SLC34A2: variants seen among roughly 807,000 people sequenced by gnomAD.
The protein encoded by SLC34A2 is solute carrier family 34 member 2, also known as sodium-dependent phosphate transport protein 2B.
SLC34A2 carries 41 observed loss-of-function variants against 50.8 expected under a neutral mutation model. The ratio of observed to expected loss-of-function variants is 0.81; its 90% CI spans 0.63 to 1.05. The LOEUF (loss-of-function observed/expected upper bound fraction) is 1.05. Ranked by LOEUF, SLC34A2 falls within the 50% of genes least tolerant of loss-of-function variation. The pLI, the probability that SLC34A2 is intolerant of heterozygous loss-of-function variation, is 0.00. For synonymous variants in SLC34A2, 401 were observed against 364.2 expected, an observed-to-expected ratio of 1.10 and a Z score of -1.15; for missense variants, 879 against 876.7, an observed-to-expected ratio of 1.00 and a Z score of -0.03.
Position 25,666,343 on chromosome 4 carries a change from G to A in SLC34A2, c.523+72G>A, listed in dbSNP as rs1172369894. ...TGTCTATCTGAGGGTGGGAAGGACG[G>A]GGGAGGAATTCACTCTGAATATGTC... is the stretch of plus-strand genomic sequence containing the variant. On this transcript the variant is annotated intron_variant, in intron 5 of 12. Transcript: ENST00000382051. The A allele has an allele frequency of 7.6e-5, 119 of 1,560,968 alleles. 1 individual carries two copies. Among genetic ancestry groups the A allele is most frequent in the Non-Finnish European group, 4.4e-6 (5 of 1,142,560 alleles).
rs1714593878 is a variant in SLC34A2, at chr4:25,667,986, C to T, written c.630C>T (p.Phe210=). The T allele has an allele frequency of 1.2e-6, 2 of 1,606,370 alleles. No homozygotes were observed. Among genetic ancestry groups the T allele is most frequent in the African/African-American group, 2.7e-5 (2 of 74,876 alleles). The part of the protein sequence containing the change: ...ALMQVGDRSE[F]RRAFAGATVH... ...TGCAGGTGGGAGATCGGAGTGAGTTCAGAAGGTAAGAGGCTCAAAACCAGC... is the reference window on the plus strand; with the variant it reads ...TGCAGGTGGGAGATCGGAGTGAGTTTAGAAGGTAAGAGGCTCAAAACCAGC... The change falls in exon 6 of 13, where the codon TTC becomes TTT. Residue 210 remains phenylalanine (F), a synonymous_variant. Transcript: ENST00000382051.
At chr4:25,674,253 C>T (rs370745763) in intron 10 of SLC34A2, 43 bp from the exon 11 acceptor site, 1 of 1,529,528 alleles carries the variant, frequency 6.5e-7, no homozygotes, top group Non-Finnish European at 9.1e-7. Flanking sequence ...CAGGCCATAC[C>T]TTCCCCGGAG....
At chr4:25,672,365 T>A (rs1318927670) in intron 9 of SLC34A2, among the ~76,000 whole-genome samples, 1 of 152,210 alleles carries the variant, frequency 6.6e-6, no homozygotes. Flanking sequence ...AATTAGTCCC[T>A]ACTGTACAGC....
chr4:25,662,967 A>T, intron 3 of SLC34A2, 125 bp downstream of exon 3: 2 of 1,110,534 alleles, frequency 1.8e-6, no homozygotes, highest in African/African-American at 1.6e-5. Flanking sequence ...CTGGCTAGGG[A>T]TGTCACCCTC....
In SLC34A2 at chr4:25,670,725, A is replaced by G. The variant is rs765458030; in HGVS notation, c.832-13A>G. ...AGGATATGCTGATGGTTTCCTGTCT[A>G]CTGTTTCCACAGCTGGATAAAAAAG... is the stretch of plus-strand genomic sequence containing the variant. On this transcript the variant is annotated splice_polypyrimidine_tract_variant and intron_variant, in intron 7 of 12. Coordinates refer to ENST00000382051, the MANE Select transcript of SLC34A2 (RefSeq NM_006424.3). The G allele has an allele frequency of 2.3e-5, 37 of 1,606,950 alleles. No individual in the cohort carries two copies. Among genetic ancestry groups the G allele is most frequent in the Non-Finnish European group, 3.2e-5 (37 of 1,173,984 alleles).
chr4:25,676,066 C>A, intron 12 of SLC34A2, 69 bp from the exon 13 acceptor site: 1 of 1,594,098 alleles, frequency 6.3e-7, no homozygotes, highest in African/African-American at 1.3e-5. Context: ...CTTACCTCCC[C>A]CTCCTCCTCC....
At position 25,678,620 on chromosome 4, in the gene SLC34A2, A is replaced by G. The variant is rs967122160; in HGVS notation, c.*1871A>G. The stretch of plus-strand genomic sequence containing the variant: ...GGTCTCAAACTCCTGAGATCAAGCA[A>G]TCCGCCCACCTCAGCCTCCCAAAGT... On this transcript the variant is annotated 3_prime_UTR_variant, in exon 13 of 13. Transcript: ENST00000382051. 3 of 310,820 alleles carry G rather than the reference A, an allele frequency of 9.7e-6. No individual in the cohort carries two copies. Among genetic ancestry groups the G allele is most frequent in the South Asian group, 5.8e-5 (1 of 17,282 alleles). The allele number at this position is 310,820 out of a possible 1,614,324, so 19.3% of individuals were successfully genotyped here.
chr4:25,659,676 A>G (rs906134229), intron 1 of SLC34A2, among the ~76,000 whole-genome samples: 1 of 152,146 alleles, frequency 6.6e-6, no homozygotes, highest in Non-Finnish European at 1.5e-5. Context: ...CATTTTTACA[A>G]TGATGAAGCT....
In SLC34A2 at chr4:25,678,624, G is replaced by C. The variant is rs957052303; in HGVS notation, c.*1875G>C. 6.5e-6 allele frequency: 2 copies of C among 309,264 alleles called. No homozygotes were observed. Among genetic ancestry groups the C allele is most frequent in the African/African-American group, 4.3e-5 (2 of 46,938 alleles). The allele number at this position is 309,264 out of a possible 1,614,324, so 19.2% of individuals were successfully genotyped here. On this transcript the variant is annotated 3_prime_UTR_variant, in exon 13 of 13. Transcript: ENST00000382051. ...TCAAACTCCTGAGATCAAGCAATCC[G>C]CCCACCTCAGCCTCCCAAAGTGCTG...
At chr4:25,660,851 G>C (rs1165949946) in intron 1 of SLC34A2, among the ~76,000 whole-genome samples, 1 of 152,136 alleles carries the variant, frequency 6.6e-6, no homozygotes, top group Non-Finnish European at 1.5e-5. Flanking sequence ...GGCCTGGATT[G>C]CTTCTTTTTT....
chr4:25,662,940 C>A, intron 3 of SLC34A2, 98 bp downstream of exon 3: 2 of 1,425,812 alleles, frequency 1.4e-6, no homozygotes, highest in South Asian at 1.3e-5. Context: ...TGTTCTGATT[C>A]CCTTGAAGCA....
rs117723073 is a variant in SLC34A2, at chr4:25,664,486, G to A, written c.379+156G>A. ...ATCATTTATGAAGTCTATGCTTTCC[G>A]TTATAGAAGAGAAAACTGAGGCCTA... On this transcript the variant is annotated intron_variant, in intron 4 of 12. Transcript: ENST00000382051. 9.4e-3 allele frequency among the ~76,000 whole-genome samples: 1,436 copies of A among 152,282 alleles called. 64 individuals carry two copies. Among genetic ancestry groups the A allele is most frequent in the Admixed American group, 0.074 (1,130 of 15,290 alleles).
At position 25,670,808 on chromosome 4, in the gene SLC34A2, T is replaced by C. The variant is rs766244885; in HGVS notation, c.902T>C (p.Ile301Thr). ...GCGAAAAACAAGAGTCTTGTCAAGA[T>C]TTGGTGCAAAACTTTTACCAACAAG... is the stretch of plus-strand genomic sequence containing the variant. ...EKAKNKSLVK[I>T]WCKTFTNKTQ... is the part of the protein sequence containing the mutation. The change falls in exon 8 of 13, where the codon ATT (isoleucine) becomes ACT (threonine). Residue 301 changes from isoleucine (I) to threonine (T), a missense_variant. Ile to Thr is a moderately conservative substitution (Grantham distance 89, BLOSUM62 -1). Coordinates refer to ENST00000382051, the MANE Select transcript of SLC34A2 (RefSeq NM_006424.3). 1.2e-6 allele frequency: 2 copies of C among 1,614,074 alleles called. No homozygotes were observed. Among genetic ancestry groups the C allele is most frequent in the Non-Finnish European group, 1.7e-6 (2 of 1,179,932 alleles).
chr4:25,678,735 C>A lies in SLC34A2; in HGVS notation c.*1986C>A. 2 of 437,620 alleles carry A rather than the reference C, an allele frequency of 4.6e-6. No homozygotes were observed. The highest frequency in any genetic ancestry group is 8.3e-6 in the Non-Finnish European group (2 of 241,606). 27.1% of individuals were successfully genotyped at this position (437,620 alleles called of 1,614,324 possible). A position where few individuals can be genotyped will look rare whatever the true frequency, so the allele number is the denominator to read the frequency against. On this transcript the variant is annotated 3_prime_UTR_variant, in exon 13 of 13. Transcript: ENST00000382051. ...GGTTATGGGAAGGGAGAAATAAAAT[C>A]ATCAAACCCAAAAGGAGTGTGTTGT...
At chr4:25,673,308 T>C (rs1389279086) in intron 10 of SLC34A2, 54 bp downstream of exon 10, 2 of 1,395,240 alleles carry the variant, frequency 1.4e-6, no homozygotes, top group African/African-American at 1.5e-5. Flanking sequence ...GCATGGGGTG[T>C]GGGGGTCCTT....
chr4:25,670,101 T>C (rs1229506493), intron 7 of SLC34A2, among the ~76,000 whole-genome samples: 6 of 152,302 alleles, frequency 3.9e-5, no homozygotes, highest in African/African-American at 1.2e-4. Flanking sequence ...CGTGCACCTG[T>C]AGTCCCAGCT....
intron 10 of SLC34A2, among the ~76,000 whole-genome samples, chr4:25,673,917 T>G (rs1222281806): frequency 6.6e-6 from 1 of 152,160 alleles, no homozygotes; most frequent in Non-Finnish European, 1.5e-5. Flanking sequence ...TACAGTTTCT[T>G]GATGCTCTTT....
In SLC34A2 at chr4:25,677,146, A is replaced by ACT; in HGVS notation, c.*402_*403dup. On this transcript the variant is annotated 3_prime_UTR_variant, in exon 13 of 13. Transcript: ENST00000382051. ...GAGGCTCTCCCAGATGAGGAAGTGTACTCTCTATGACTATCAAGCTCAGGC... is the reference window on the plus strand; with the variant it reads ...GAGGCTCTCCCAGATGAGGAAGTGTACTCTCTCTATGACTATCAAGCTCAGGC... The ACT allele has an allele frequency of 4.8e-6, 1 of 209,736 alleles. No homozygotes were observed. Among genetic ancestry groups the ACT allele is most frequent in the East Asian group, 1.1e-4 (1 of 9,394 alleles). The allele number at this position is 209,736 out of a possible 1,614,324, so 13.0% of individuals were successfully genotyped here. A position where few individuals can be genotyped will look rare whatever the true frequency, so the allele number is the denominator to read the frequency against.
rs1715191758 is a variant in SLC34A2 at position 25,677,251 on chromosome 4, A to AG, written c.*506dup. Reference sequence around the variant, plus strand: ...TCCTTGCCCCAGATCAGCCTGGGTCAGGGGACATAGTGTCATTGTTTGGAA... The same window carrying AG: ...TCCTTGCCCCAGATCAGCCTGGGTCAGGGGGACATAGTGTCATTGTTTGGAA... On this transcript the variant is annotated 3_prime_UTR_variant, in exon 13 of 13. Transcript: ENST00000382051. 1 of 171,762 alleles carries AG rather than the reference A, an allele frequency of 5.8e-6. No homozygotes were observed. Among genetic ancestry groups the AG allele is most frequent in the African/African-American group, 2.4e-5 (1 of 42,092 alleles). The allele number at this position is 171,762 out of a possible 1,614,324, so 10.6% of individuals were successfully genotyped here.
Sources: gnomAD v4.1 joint callset for allele counts (sites outside exome capture counted in the v4.1 genomes callset) on GRCh38, gnomAD v4.1.1 for gene constraint, MANE v1.5 for transcripts, NCBI Gene and HGNC (gene_info 2026-07-23, HGNC 2026-07-21) for gene names.